SPON2: variants seen among roughly 807,000 people sequenced by gnomAD.
SPON2 encodes spondin 2, also known as spondin-2.
In SPON2, 32 loss-of-function variants were observed where a neutral mutation model predicts 29.9. The observed-to-expected ratio is 1.07, with a 90% confidence interval of 0.81 to 1.44. SPON2 has a LOEUF of 1.44. SPON2 is among the 40% of genes most tolerant of loss of function. The pLI is 0.00. For synonymous variants in SPON2, 248 were observed against 209.1 expected (o/e 1.19, Z -1.61); for missense variants, 541 against 455.5 (o/e 1.19, Z -1.71).
At chr4:1,198,789 G>T (rs1728129917), upstream of SPON2, among the ~76,000 whole-genome samples, 1 of 152,080 alleles carries the variant, frequency 6.6e-6, no homozygotes, top group Non-Finnish European at 1.5e-5. Flanking sequence ...TCACCGACAG[G>T]TACTGAAAAG....
At chr4:1,192,946 G>A (rs957038576) in intron 1 of SPON2, among the ~76,000 whole-genome samples, 4 of 152,212 alleles carry the variant, frequency 2.6e-5, no homozygotes, top group African/African-American at 9.7e-5. Context: ...CAGCTGCTGG[G>A]GTCCCTTCTC....
rs540624186 is a variant in SPON2 at position 1,207,791 on chromosome 4, C to T, written c.-234+89G>A. On this transcript the variant is annotated intron_variant, in intron 1 of 3. Transcript: ENST00000509233. ...ATGTTTTCGGACCCTACATGGGAAG[C>T]CCTTGGCCCGTTTGAAGGTCGGGTC... 5.7e-4 allele frequency: 88 copies of T among 154,254 alleles called. 1 individual carries two copies. The highest frequency in any genetic ancestry group is 1.1e-3 in the Non-Finnish European group (77 of 69,402). The allele number at this position is 154,254 out of a possible 1,614,324, so 9.6% of individuals were successfully genotyped here. A position where few individuals can be genotyped will look rare whatever the true frequency, so the allele number is the denominator to read the frequency against.
chr4:1,190,454 T>C (rs183877865), intron 1 of SPON2, among the ~76,000 whole-genome samples: 2 of 152,328 alleles, frequency 1.3e-5, no homozygotes, highest in East Asian at 3.9e-4. Context: ...AGTATTACCC[T>C]GATACCAAAA....
intron 1 of SPON2, among the ~76,000 whole-genome samples, chr4:1,184,273 A>G (rs1727751650): frequency 6.6e-6 from 1 of 152,214 alleles, no homozygotes; most frequent in East Asian, 1.9e-4. Flanking sequence ...CTGGCCAGTA[A>G]TTACTTTAAA....
chr4:1,201,374 C>T, intron 1 of SPON2: 1 of 330,374 alleles, frequency 3.0e-6, no homozygotes, highest in South Asian at 2.5e-5. Flanking sequence ...CAGGCCAGGC[C>T]TGTGGTCAGC....
chr4:1,195,780 G>T (rs1156369653), upstream of SPON2, among the ~76,000 whole-genome samples: 1 of 151,932 alleles, frequency 6.6e-6, no homozygotes, highest in Non-Finnish European at 1.5e-5. Flanking sequence ...GGGACTACAG[G>T]TGTGCACTAC....
chr4:1,172,977 A>G (rs977148388), upstream of SPON2: 2 of 146,472 alleles, frequency 1.4e-5, no homozygotes, highest in African/African-American at 5.1e-5. Context: ...CGTTCCAACA[A>G]GCGCCTTCCT....
In SPON2 at chr4:1,167,220, G is replaced by C; in HGVS notation, c.*252C>G. 2.1e-6 allele frequency: 1 copy of C among 479,672 alleles called. No individual in the cohort carries two copies. The highest frequency in any genetic ancestry group is 3.7e-6 in the Non-Finnish European group (1 of 269,692). The allele number at this position is 479,672 out of a possible 1,614,324, so 29.7% of individuals were successfully genotyped here. A position where few individuals can be genotyped will look rare whatever the true frequency, so the allele number is the denominator to read the frequency against. On this transcript the variant is annotated 3_prime_UTR_variant, in exon 6 of 6. Coordinates refer to ENST00000290902, the MANE Select transcript of SPON2 (RefSeq NM_012445.4). ...CCTTGGGGATGACTTTATCCTGCAG[G>C]AGGAGGAGGCTGAGAGCAGACGGGA... is the stretch of plus-strand genomic sequence containing the variant.
chr4:1,170,401 C>A lies in SPON2; in HGVS notation c.811+1G>T. The A allele has an allele frequency of 6.2e-7, 1 of 1,612,428 alleles. No homozygotes were observed. Among genetic ancestry groups the A allele is most frequent in the Non-Finnish European group, 8.5e-7 (1 of 1,179,548 alleles). ...TCCCATGTGACCTGTATGTCCGTTACCTGAGGCGCTGTCTACAATCTCATT... is the reference window on the plus strand; with the variant it reads ...TCCCATGTGACCTGTATGTCCGTTAACTGAGGCGCTGTCTACAATCTCATT... On this transcript the variant is annotated splice_donor_variant, in intron 5 of 5. Coordinates refer to ENST00000290902, the MANE Select transcript of SPON2 (RefSeq NM_012445.4). LOFTEE classifies it high-confidence loss of function.
At position 1,186,026 on chromosome 4, in the gene SPON2, C is replaced by T. The variant is rs560604676; in HGVS notation, c.-238-6485G>A. Among the ~76,000 whole-genome samples the T allele has an allele frequency of 6.5e-3, 973 of 150,508 alleles. 1 individual carries two copies. Among genetic ancestry groups the T allele is most frequent in the Non-Finnish European group, 8.7e-3 (586 of 67,366 alleles). On this transcript the variant is annotated intron_variant, in intron 1 of 3. Transcript: ENST00000502483. ...TTGGGAGGCCGAGGCGGGCGGATCA[C>T]GAGGTCAGGAGATCGAGACCATCCT...
At chr4:1,175,848 C>A (rs1297034182), upstream of SPON2, among the ~76,000 whole-genome samples, 1 of 152,102 alleles carries the variant, frequency 6.6e-6, no homozygotes, top group Non-Finnish European at 1.5e-5. Flanking sequence ...TGGAGGTGCT[C>A]CAGGCAGGGC....
intron 2 of SPON2, chr4:1,179,439 C>T (rs1366173942): frequency 6.6e-6 from 1 of 152,140 alleles, no homozygotes; most frequent in Non-Finnish European, 1.5e-5. Context: ...GTGACACTTG[C>T]CATAGTACCT....
chr4:1,194,971 C>A (rs2878561), intron 1 of SPON2: 1 of 142,662 alleles, frequency 7.0e-6, no homozygotes, highest in African/African-American at 2.7e-5. Flanking sequence ...GACTCCAACC[C>A]CGCAGCCGGC....
chr4:1,168,344 C>T (rs1727314871), intron 5 of SPON2, among the ~76,000 whole-genome samples: 1 of 152,214 alleles, frequency 6.6e-6, no homozygotes, highest in Admixed American at 6.5e-5. Flanking sequence ...CTCACTCTGC[C>T]GTGCACGGGA....
At chr4:1,203,385 A>C (rs1577001482) in intron 1 of SPON2, among the ~76,000 whole-genome samples, 1 of 152,102 alleles carries the variant, frequency 6.6e-6, no homozygotes, top group African/African-American at 2.4e-5. Context: ...GACCTCCTTC[A>C]CTTGGCAAAT....
chr4:1,201,656 C>T (rs550842344), intron 1 of SPON2, among the ~76,000 whole-genome samples: 1 of 152,098 alleles, frequency 6.6e-6, no homozygotes, highest in East Asian at 1.9e-4. Flanking sequence ...GATCTCGGCT[C>T]ACTGCAAGCT....
At chr4:1,189,285 C>T (rs1331938972) in intron 1 of SPON2, among the ~76,000 whole-genome samples, 1 of 151,682 alleles carries the variant, frequency 6.6e-6, no homozygotes, top group Non-Finnish European at 1.5e-5. Context: ...AAAAACAGCA[C>T]AGTAAGTCAA....
At chr4:1,196,367 C>T (rs1167761022), upstream of SPON2, among the ~76,000 whole-genome samples, 2 of 152,356 alleles carry the variant, frequency 1.3e-5, no homozygotes, top group East Asian at 1.9e-4. Context: ...CTCTAGAGGT[C>T]ATGTGAGCTC....
chr4:1,167,578 C>T lies in SPON2; in HGVS notation c.890G>A (p.Gly297Glu), dbSNP rs1411209847. Residue 297 changes from glycine (G) to glutamate (E), a missense_variant, in exon 6 of 6, where the codon GGG becomes GAG. Transcript: ENST00000290902. Reference protein sequence around the residue: ...GLCGGHCGRLGTKSRTRYVRV... With the variant: ...GLCGGHCGRLETKSRTRYVRV... ...GACGTAGCGAGTCCTGCTCTTGGTC[C>T]CGAGCCTCCCACAGTGGCCTCCGCA... The T allele has an allele frequency of 5.0e-6, 8 of 1,613,550 alleles. No homozygotes were observed. The highest frequency in any genetic ancestry group is 6.8e-6 in the Non-Finnish European group (8 of 1,179,978).
Sources: gnomAD v4.1 joint callset for allele counts (sites outside exome capture counted in the v4.1 genomes callset) on GRCh38, gnomAD v4.1.1 for gene constraint, MANE v1.5 for transcripts, NCBI Gene and HGNC (gene_info 2026-07-23, HGNC 2026-07-21) for gene names.